Variants in ACP7 observed in about 807,000 individuals in gnomAD.
The protein encoded by ACP7 is acid phosphatase type 7.
Under a neutral mutation model 60.6 loss-of-function variants are expected in ACP7, and 58 were observed. The ratio of observed to expected loss-of-function variants is 0.96; its 90% CI spans 0.77 to 1.19. The LOEUF (loss-of-function observed/expected upper bound fraction) is 1.19. Ranked by LOEUF, ACP7 falls within the 50% of genes most tolerant of loss-of-function variation. The probability of loss-of-function intolerance (pLI) is 0.00; values close to 1 mark genes in which losing one functional copy is unlikely to be tolerated. For missense variants in ACP7, 574 were observed against 596.2 expected (o/e 0.96, Z 0.39); for synonymous variants, 237 against 232.6 (o/e 1.02, Z -0.17).
rs1017531896 is a variant in ACP7, at chr19:39,085,215, C to G, written c.-55C>G. 84 of 1,568,786 alleles carry G rather than the reference C, an allele frequency of 5.4e-5. 2 individuals carry two copies. In the East Asian group the frequency reaches 1.9e-3, roughly 36 times the overall value. ...CCCTTCCTGCTGTACCTGTGGGGAG[C>G]TGATCTCCTCAGTCCCCCTGCTTTT... On this transcript the variant is annotated 5_prime_UTR_variant, in exon 2 of 13. Coordinates refer to ENST00000331256, the MANE Select transcript of ACP7 (RefSeq NM_001004318.3).
intron 2 of ACP7, among the ~76,000 whole-genome samples, chr19:39,086,638 A>G (rs1568473240): frequency 1.9e-5 from 2 of 106,164 alleles, no homozygotes; most frequent in African/African-American, 6.3e-5. Context: ...TCAAAAAAAA[A>G]AAAGGGGGGG....
intron 4 of ACP7, among the ~76,000 whole-genome samples, chr19:39,099,966 C>T (rs2073319519): frequency 7.2e-6 from 1 of 139,566 alleles, no homozygotes; most frequent in Non-Finnish European, 1.5e-5. Context: ...GCAGTCCAGC[C>T]TGGGCAGCAG....
intron 1 of ACP7, 40 bp from the exon 2 acceptor site, chr19:39,085,052 C>G: frequency 3.8e-6 from 2 of 530,564 alleles, no homozygotes; most frequent in Non-Finnish European, 3.3e-6. Context: ...AGCTCTGCTG[C>G]TGTTCCTTAG....
In ACP7 at chr19:39,100,868, G is replaced by A. The variant is rs2073334001; in HGVS notation, c.807+15G>A. 6.2e-7 allele frequency: 1 copy of A among 1,612,248 alleles called. No homozygotes were observed. Among genetic ancestry groups the A allele is most frequent in the Non-Finnish European group, 8.5e-7 (1 of 1,179,500 alleles). The stretch of plus-strand genomic sequence containing the variant: ...GCGACCTCCAGGTAACCTGGGTGGA[G>A]GCCCCTATAGTCCCCTGGCCAGCCC... On this transcript the variant is annotated intron_variant, in intron 7 of 12. Transcript: ENST00000331256.
chr19:39,084,786 C>T (rs1463137253), intron 1 of ACP7, among the ~76,000 whole-genome samples: 3 of 152,082 alleles, frequency 2.0e-5, no homozygotes, highest in Non-Finnish European at 2.9e-5. Flanking sequence ...CCTACACAGC[C>T]TCCACCCCGC....
intron 3 of ACP7, 74 bp from the exon 4 acceptor site, chr19:39,098,883 CAGT>C (rs200978103): frequency 2.0e-6 from 2 of 998,154 alleles, no homozygotes; most frequent in Admixed American, 2.4e-5. Flanking sequence ...TCCCCTCCAC[CAGT>C]CGGGGAAGGA....
intron 2 of ACP7, among the ~76,000 whole-genome samples, chr19:39,088,784 C>T (rs1011792161): frequency 2.0e-5 from 3 of 152,044 alleles, no homozygotes; most frequent in South Asian, 2.1e-4. Flanking sequence ...CTCACTCCGT[C>T]GCCCAGGCTG....
intron 12 of ACP7, 98 bp from the exon 13 acceptor site, chr19:39,109,955 C>G (rs2073451832): frequency 8.2e-7 from 1 of 1,221,768 alleles, no homozygotes; most frequent in Non-Finnish European, 1.2e-6. Context: ...GGTTGTACAG[C>G]CCATCAGAGG....
intron 10 of ACP7, 26 bp downstream of exon 10, chr19:39,101,381 C>T (rs769772484): frequency 6.2e-6 from 10 of 1,614,124 alleles, no homozygotes; most frequent in Non-Finnish European, 6.8e-6. Flanking sequence ...GGCTGAGCGC[C>T]CACACAGCTG....
chr19:39,098,543 CCTG>C lies in ACP7; in HGVS notation c.209_211del (p.Leu70del). On this transcript the variant is annotated inframe_deletion, in exon 3 of 13. Transcript: ENST00000331256. ...AATTCGGGTTGCAGCCGTCGGGGCC[CCTG>C]CCCCTCCGCGCCCAGGGCACCTTCG... 6.2e-7 allele frequency: 1 copy of C among 1,612,856 alleles called. No individual in the cohort carries two copies. Among genetic ancestry groups the C allele is most frequent in the Admixed American group, 1.7e-5 (1 of 59,898 alleles).
intron 2 of ACP7, among the ~76,000 whole-genome samples, chr19:39,088,414 C>G (rs1477879777): frequency 6.6e-6 from 1 of 152,174 alleles, no homozygotes; most frequent in Non-Finnish European, 1.5e-5. Flanking sequence ...TGACCTTGGA[C>G]AAAGCGCTTT....
chr19:39,088,727 GTTT>G (rs2144964363), intron 2 of ACP7, among the ~76,000 whole-genome samples: 1 of 19,550 alleles, frequency 5.1e-5, no homozygotes, highest in African/African-American at 3.9e-4. Flanking sequence ...ATCTTTGTGG[GTTT>G]GTTTGTTTGT....
intron 11 of ACP7, among the ~76,000 whole-genome samples, chr19:39,102,735 C>CTTTA (rs1257947605): frequency 2.5e-5 from 2 of 80,574 alleles, no homozygotes; most frequent in Non-Finnish European, 5.2e-5. Context: ...TTCTTTCTTT[C>CTTTA]TTTCTTTCTT....
chr19:39,095,396 G>T (rs1447973429), intron 2 of ACP7, among the ~76,000 whole-genome samples: 1 of 152,178 alleles, frequency 6.6e-6, no homozygotes, highest in Non-Finnish European at 1.5e-5. Context: ...AATCCAGCAG[G>T]GCAGTCAAAT....
chr19:39,104,000 G>A (rs1249069430), intron 11 of ACP7, among the ~76,000 whole-genome samples: 1 of 151,592 alleles, frequency 6.6e-6, no homozygotes, highest in Non-Finnish European at 1.5e-5. Context: ...AGCACTTTGG[G>A]AGGCTGAGGT....
intron 2 of ACP7, among the ~76,000 whole-genome samples, chr19:39,088,752 T>C (rs1042806501): frequency 8.1e-5 from 11 of 135,386 alleles, no homozygotes; most frequent in Admixed American, 4.0e-4. Flanking sequence ...TGTTTGTTTG[T>C]TTGTTTGTTT....
chr19:39,098,175 T>C, intron 2 of ACP7, among the ~76,000 whole-genome samples: 1 of 140,922 alleles, frequency 7.1e-6, no homozygotes, highest in South Asian at 2.2e-4. Flanking sequence ...CGCTTGAACC[T>C]GCGAGGCGGC....
intron 12 of ACP7, among the ~76,000 whole-genome samples, chr19:39,109,551 A>G (rs2073446373): frequency 6.6e-6 from 1 of 151,910 alleles, no homozygotes; most frequent in Non-Finnish European, 1.5e-5. Flanking sequence ...GTAAAAATAC[A>G]AAAATTAGCC....
chr19:39,100,734 T>A lies in ACP7; in HGVS notation c.693-5T>A. On this transcript the variant is annotated splice_region_variant and splice_polypyrimidine_tract_variant and intron_variant, in intron 6 of 12. Transcript: ENST00000331256. ...TCCCTGACCCCTGCCCTTTGACTCC[T>A]CCAGCTGGGATCTGGGTCCCGCCCA... The A allele has an allele frequency of 6.2e-7, 1 of 1,613,824 alleles. No individual in the cohort carries two copies. The highest frequency in any genetic ancestry group is 8.5e-7 in the Non-Finnish European group (1 of 1,179,810).
Sources: allele counts gnomAD v4.1 joint callset (sites outside exome capture counted in the v4.1 genomes callset), GRCh38; gene constraint gnomAD v4.1.1; transcripts MANE v1.5; gene names NCBI Gene and HGNC (gene_info 2026-07-23, HGNC 2026-07-21).